The following IL1RAPL1 variants were observed in gnomAD, a reference collection of about 807,000 sequenced individuals.
IL1RAPL1 encodes interleukin-1 receptor accessory protein-like 1.
In IL1RAPL1, 3 loss-of-function variants were observed where a neutral mutation model predicts 48.4. That is an observed-to-expected ratio of 0.06 (90% confidence interval 0.03 to 0.16). IL1RAPL1 has a LOEUF of 0.16. Ranked by LOEUF, IL1RAPL1 falls within the 10% of genes least tolerant of loss-of-function variation. IL1RAPL1 has a pLI of 1.00. For synonymous variants in IL1RAPL1, 185 were observed against 187.7 expected, an observed-to-expected ratio of 0.99 and a Z score of 0.12; for missense variants, 349 against 530.6, an observed-to-expected ratio of 0.66 and a Z score of 3.36.
chrX:29,584,431 CA>C (rs1923087021), intron 5 of IL1RAPL1, among the ~76,000 whole-genome samples: 1 of 111,430 alleles, frequency 9.0e-6, no homozygotes, highest in Non-Finnish European at 1.9e-5. Context: ...AAAATTTCTT[CA>C]ATTTCTTTAA....
At chrX:29,440,846 C>T (rs1934539946) in intron 5 of IL1RAPL1, among the ~76,000 whole-genome samples, 1 of 111,776 alleles carries the variant, frequency 8.9e-6, no homozygotes, top group Non-Finnish European at 1.9e-5. Flanking sequence ...ATAAATTTTA[C>T]AGTTATTACT....
At chrX:29,770,132 A>G (rs1929024883) in intron 6 of IL1RAPL1, among the ~76,000 whole-genome samples, 1 of 112,034 alleles carries the variant, frequency 8.9e-6, no homozygotes, top group Non-Finnish European at 1.9e-5. Context: ...ATTATGCTAG[A>G]TGACAACTAC....
intron 1 of IL1RAPL1, among the ~76,000 whole-genome samples, chrX:28,638,613 C>T (rs997455986): frequency 4.6e-5 from 5 of 109,011 alleles, no homozygotes; most frequent in Non-Finnish European, 9.5e-5. Flanking sequence ...AATTTTATTT[C>T]AGACCTACTA....
At position 29,766,354 on chromosome X, in the gene IL1RAPL1, TATATATATAG is replaced by T. The variant is rs1178176559; in HGVS notation, c.778+97854_778+97863del. Among the ~76,000 whole-genome samples the T allele has an allele frequency of 2.7e-3, 232 of 85,947 alleles. 3 individuals carry two copies. The highest frequency in any genetic ancestry group is 6.3e-3 in the Middle Eastern group (1 of 158). 74.6% of individuals were successfully genotyped at this position (85,947 alleles called of 115,157 possible). On this transcript the variant is annotated intron_variant, in intron 6 of 10. Transcript: ENST00000378993. The stretch of plus-strand genomic sequence containing the variant: ...AAAAAAAAAAAAAAATATATATATA[TATATATATAG>T]ATAGATAGATAGATAGATAGATATT...
chrX:29,205,020 A>G (rs1214007794), intron 2 of IL1RAPL1, among the ~76,000 whole-genome samples: 6 of 112,229 alleles, frequency 5.3e-5, no homozygotes, highest in Non-Finnish European at 1.1e-4. Context: ...AAGAAATTTA[A>G]GGGAACTGGT....
intron 6 of IL1RAPL1, among the ~76,000 whole-genome samples, chrX:29,706,003 A>G (rs1437313425): frequency 8.9e-6 from 1 of 112,448 alleles, no homozygotes; most frequent in Non-Finnish European, 1.9e-5. Context: ...GTGAGGCCTC[A>G]CAATCATGGC....
rs146290052 is a variant in IL1RAPL1, at chrX:29,723,130, G to A, written c.778+54626G>A. Reference sequence around the variant, plus strand: ...TAGAATGAGGATCTTACCAATTTCAGTGTGGGTATAAATAGAATATTAGCA... The same window carrying A: ...TAGAATGAGGATCTTACCAATTTCAATGTGGGTATAAATAGAATATTAGCA... On this transcript the variant is annotated intron_variant, in intron 6 of 10. Coordinates refer to ENST00000378993, the MANE Select transcript of IL1RAPL1 (RefSeq NM_014271.4). 9.5e-3 allele frequency among the ~76,000 whole-genome samples: 1,064 copies of A among 112,405 alleles called. 14 individuals carry two copies. The highest frequency in any genetic ancestry group is 0.032 in the African/African-American group (998 of 30,944).
chrX:29,709,375 T>C (rs1414233623), intron 6 of IL1RAPL1, among the ~76,000 whole-genome samples: 1 of 111,997 alleles, frequency 8.9e-6, no homozygotes, highest in African/African-American at 3.2e-5. Context: ...TATCCAGTTT[T>C]TCCAACACTA....
intron 1 of IL1RAPL1, among the ~76,000 whole-genome samples, chrX:28,688,422 G>A (rs1180065543): frequency 9.0e-5 from 10 of 111,027 alleles, no homozygotes; most frequent in Non-Finnish European, 1.7e-4. Context: ...GCCCAGGCTA[G>A]TAGTGTTGAA....
At chrX:28,887,938 A>C (rs1350746270) in intron 2 of IL1RAPL1, among the ~76,000 whole-genome samples, 3 of 111,698 alleles carry the variant, frequency 2.7e-5, no homozygotes, top group Non-Finnish European at 5.6e-5. Flanking sequence ...ACTAGCAATG[A>C]AAAAATAAAT....
chrX:28,727,972 A>T (rs1302774824), intron 1 of IL1RAPL1, among the ~76,000 whole-genome samples: 1 of 110,837 alleles, frequency 9.0e-6, no homozygotes, highest in Non-Finnish European at 1.9e-5. Context: ...CTAATGCTAG[A>T]TGACGAGTTA....
At chrX:28,772,354 A>G (rs1223005533) in intron 1 of IL1RAPL1, among the ~76,000 whole-genome samples, 1 of 111,657 alleles carries the variant, frequency 9.0e-6, no homozygotes, top group African/African-American at 3.3e-5. Context: ...AGTTTTCTCA[A>G]AATTAGCTTT....
At chrX:28,809,247 A>G (rs1379584671) in intron 2 of IL1RAPL1, among the ~76,000 whole-genome samples, 1 of 110,672 alleles carries the variant, frequency 9.0e-6, no homozygotes, top group African/African-American at 3.3e-5. Context: ...CTACTATTCT[A>G]GGAACTTAGG....
chrX:29,076,731 T>C (rs1927679286), intron 2 of IL1RAPL1, among the ~76,000 whole-genome samples: 1 of 111,235 alleles, frequency 9.0e-6, no homozygotes, highest in Admixed American at 9.6e-5. Context: ...CATTCTGTCT[T>C]CTCTCTTCTT....
chrX:28,992,856 A>G (rs1181063407), intron 2 of IL1RAPL1, among the ~76,000 whole-genome samples: 1 of 112,320 alleles, frequency 8.9e-6, no homozygotes, highest in Admixed American at 9.5e-5. Flanking sequence ...GAATGACTAA[A>G]AGAGCCAACC....
At chrX:29,225,626 A>G (rs1400848335) in intron 2 of IL1RAPL1, among the ~76,000 whole-genome samples, 1 of 111,791 alleles carries the variant, frequency 8.9e-6, no homozygotes, top group Admixed American at 9.5e-5. Context: ...TGCTGGGGTG[A>G]GCTAATGGAA....
chrX:29,486,989 T>G (rs1333727242), intron 5 of IL1RAPL1, among the ~76,000 whole-genome samples: 2 of 111,150 alleles, frequency 1.8e-5, no homozygotes, highest in Non-Finnish European at 3.8e-5. Context: ...AGTCTGCCTT[T>G]CCAACAAGCT....
At chrX:29,131,467 A>T (rs1388404984) in intron 2 of IL1RAPL1, among the ~76,000 whole-genome samples, 2 of 110,736 alleles carry the variant, frequency 1.8e-5, no homozygotes, top group East Asian at 5.7e-4. Context: ...CATTAATTTA[A>T]AAGTTCTCAA....
chrX:29,611,857 C>T (rs1020200821), intron 5 of IL1RAPL1, among the ~76,000 whole-genome samples: 1 of 110,718 alleles, frequency 9.0e-6, no homozygotes, highest in Non-Finnish European at 1.9e-5. Flanking sequence ...AGATGATCAT[C>T]CCCTGGAGTT....
Sources: gnomAD v4.1 joint callset for allele counts (sites outside exome capture counted in the v4.1 genomes callset) on GRCh38, gnomAD v4.1.1 for gene constraint, MANE v1.5 for transcripts, NCBI Gene and HGNC (gene_info 2026-07-23, HGNC 2026-07-21) for gene names.